NPHP4: variants seen among roughly 807,000 people sequenced by gnomAD.
NPHP4 encodes the protein nephrocystin-4.
In NPHP4, 151 loss-of-function variants were observed where a neutral mutation model predicts 155.8. The observed-to-expected ratio is 0.97, with a 90% CI of 0.85 to 1.11. The LOEUF is 1.11. Ranked by LOEUF, NPHP4 falls within the 50% of genes least tolerant of loss-of-function variation. NPHP4 has a pLI of 0.00. For missense variants in NPHP4, 1,956 were observed against 1,925.7 expected (o/e 1.02, Z -0.29); for synonymous variants, 845 against 816.8 (o/e 1.03, Z -0.59).
intron 9 of NPHP4, among the ~76,000 whole-genome samples, chr1:5,936,427 C>T (rs1468618479): frequency 1.3e-5 from 2 of 152,196 alleles, no homozygotes; most frequent in Non-Finnish European, 2.9e-5. Flanking sequence ...TAACACGCTC[C>T]TACAGCCAGT....
intron 11 of NPHP4, among the ~76,000 whole-genome samples, chr1:5,924,040 G>A (rs1351996274): frequency 6.6e-6 from 1 of 152,156 alleles, no homozygotes; most frequent in Non-Finnish European, 1.5e-5. Context: ...AGACACGGAA[G>A]AATAAAACAA....
chr1:5,950,379 A>G (rs1039833908), intron 7 of NPHP4, among the ~76,000 whole-genome samples: 5 of 152,012 alleles, frequency 3.3e-5, no homozygotes, highest in Non-Finnish European at 5.9e-5. Flanking sequence ...ACCATGCCCA[A>G]CTCCGCCTCC....
At chr1:5,914,344 A>C (rs1442312282) in intron 11 of NPHP4, among the ~76,000 whole-genome samples, 1 of 147,480 alleles carries the variant, frequency 6.8e-6, no homozygotes, top group Non-Finnish European at 1.5e-5. Flanking sequence ...AGAAGTGGGA[A>C]GATCACTTGG....
At chr1:5,982,034 A>G (rs1175489092) in intron 2 of NPHP4, among the ~76,000 whole-genome samples, 1 of 151,368 alleles carries the variant, frequency 6.6e-6, no homozygotes, top group Non-Finnish European at 1.5e-5. Flanking sequence ...AAAATTCAAC[A>G]TTGTATTTTT....
chr1:5,876,709 A>G (rs934117584), intron 20 of NPHP4, among the ~76,000 whole-genome samples: 1 of 152,206 alleles, frequency 6.6e-6, no homozygotes, highest in African/African-American at 2.4e-5. Context: ...TCAGCCAAAA[A>G]GGGGAATTTT....
At chr1:5,872,879 C>T (rs551878800) in intron 23 of NPHP4, among the ~76,000 whole-genome samples, 5 of 152,298 alleles carry the variant, frequency 3.3e-5, no homozygotes, top group South Asian at 2.1e-4. Context: ...CCAAGGACTA[C>T]GTCTTATTTC....
At chr1:5,876,220 G>A (rs1642584906) in intron 20 of NPHP4, 1 of 151,858 alleles carries the variant, frequency 6.6e-6, no homozygotes, top group Admixed American at 6.6e-5. Flanking sequence ...AGCCCTGCCA[G>A]CTGGGAGGGA....
intron 3 of NPHP4, among the ~76,000 whole-genome samples, chr1:5,976,551 G>A (rs1032012080): frequency 1.3e-4 from 20 of 152,196 alleles, no homozygotes; most frequent in African/African-American, 4.8e-4. Flanking sequence ...TGCCCGCGCT[G>A]AAACAGCACT....
intron 3 of NPHP4, among the ~76,000 whole-genome samples, chr1:5,972,945 G>A (rs546940160): frequency 2.6e-5 from 4 of 151,934 alleles, no homozygotes; most frequent in East Asian, 3.9e-4. Flanking sequence ...GTGCAGTGGC[G>A]TGAATCTCAG....
intron 16 of NPHP4, among the ~76,000 whole-genome samples, chr1:5,899,254 A>G (rs540369766): frequency 1.9e-4 from 29 of 152,232 alleles, no homozygotes; most frequent in Non-Finnish European, 3.8e-4. Flanking sequence ...GCCAAAAACT[A>G]GAACCCATTC....
chr1:5,864,559 G>T, intron 27 of NPHP4, 42 bp from the exon 28 acceptor site: 4 of 1,456,002 alleles, frequency 2.7e-6, no homozygotes, highest in Non-Finnish European at 3.6e-6. Context: ...AGCCTCTCAG[G>T]ATGTGCAAGC....
chr1:5,927,074 A>ACTGC (rs1646043101), intron 11 of NPHP4, among the ~76,000 whole-genome samples: 1 of 152,252 alleles, frequency 6.6e-6, no homozygotes, highest in Non-Finnish European at 1.5e-5. Flanking sequence ...AGCACAGGGT[A>ACTGC]CTGCCTCAGC....
intron 6 of NPHP4, among the ~76,000 whole-genome samples, chr1:5,956,063 G>T (rs1007732524): frequency 5.4e-5 from 8 of 149,234 alleles, no homozygotes; most frequent in African/African-American, 2.0e-4. Flanking sequence ...AAAAGCTGGG[G>T]GGGGGGGGTG....
At chr1:5,958,856 C>CAAAAAAAAAA (rs397705325) in intron 6 of NPHP4, among the ~76,000 whole-genome samples, 13 of 75,826 alleles carry the variant, frequency 1.7e-4, no homozygotes, top group East Asian at 4.5e-4. Flanking sequence ...GACCCTGTCT[C>CAAAAAAAAAA]AAAAAAAAAA....
chr1:5,911,916 C>G (rs1645197111), intron 11 of NPHP4, among the ~76,000 whole-genome samples: 1 of 152,230 alleles, frequency 6.6e-6, no homozygotes, highest in Non-Finnish European at 1.5e-5. Context: ...CAGGAGTCTT[C>G]CAAAAACCAC....
At chr1:5,959,996 C>T (rs541348023) in intron 6 of NPHP4, among the ~76,000 whole-genome samples, 32 of 152,346 alleles carry the variant, frequency 2.1e-4, no homozygotes, top group African/African-American at 6.7e-4. Context: ...ACAGCGGCGC[C>T]TACAGGGCCC....
In NPHP4 at chr1:5,918,019, G is replaced by C. The variant is rs554239917; in HGVS notation, c.1442-8806C>G. 2.0e-5 allele frequency among the ~76,000 whole-genome samples: 3 copies of C among 152,336 alleles called. No individual in the cohort carries two copies. The South Asian group carries it at 6.2e-4, about 32-fold the overall frequency. ...TGCAATGCGCACGCAGCGAGAGTGA[G>C]AAATAAACCTTTTTATTTTAAGCTA... On this transcript the variant is annotated intron_variant, in intron 11 of 29. Transcript: ENST00000378156.
chr1:5,902,062 C>T (rs1644708940), intron 16 of NPHP4, among the ~76,000 whole-genome samples: 1 of 152,220 alleles, frequency 6.6e-6, no homozygotes, highest in Non-Finnish European at 1.5e-5. Context: ...CCTTCCCTGG[C>T]TTCACACCTC....
intron 29 of NPHP4, 47 bp downstream of exon 29, chr1:5,863,843 G>A: frequency 1.2e-6 from 2 of 1,606,198 alleles, no homozygotes; most frequent in Non-Finnish European, 1.7e-6. Context: ...CCTCCATTCA[G>A]GTCCCCGGGT....
Sources: gnomAD v4.1 joint callset for allele counts (sites outside exome capture counted in the v4.1 genomes callset) on GRCh38, gnomAD v4.1.1 for gene constraint, MANE v1.5 for transcripts, NCBI Gene and HGNC (gene_info 2026-07-23, HGNC 2026-07-21) for gene names.